Variants in METTL8 observed in about 807,000 individuals in gnomAD.
METTL8 encodes the protein tRNA N(3)-cytidine methyltransferase METTL8, mitochondrial.
A neutral mutation model predicts 48.7 loss-of-function variants in METTL8; 32 were observed. The ratio of observed to expected loss-of-function variants is 0.66; its 90% confidence interval spans 0.50 to 0.88. METTL8 has a LOEUF of 0.88. METTL8 is among the 40% of genes least tolerant of loss of function. The pLI, the probability that METTL8 is intolerant of heterozygous loss-of-function variation, is 0.00. For synonymous variants in METTL8, 136 were observed against 157.1 expected, an observed-to-expected ratio of 0.87 and a Z score of 1.01; for missense variants, 464 against 474.4, an observed-to-expected ratio of 0.98 and a Z score of 0.20.
At chr2:171,346,486 G>A (rs1191697396) in intron 3 of METTL8, among the ~76,000 whole-genome samples, 1 of 152,232 alleles carries the variant, frequency 6.6e-6, no homozygotes, top group Non-Finnish European at 1.5e-5. Flanking sequence ...AATGGGAAAT[G>A]GGAGTGACAG....
In METTL8 at chr2:171,331,851, A is replaced by G; in HGVS notation, c.673T>C (p.Phe225Leu). 6.2e-7 allele frequency: 1 copy of G among 1,600,690 alleles called. No individual in the cohort carries two copies. The highest frequency in any genetic ancestry group is 1.1e-5 in the South Asian group (1 of 88,336). Reference sequence around the variant, plus strand: ...GAAGCAAAATCACAACAATACAGAAAGGACTCCGGAGAGTTCCTATGAAGA... The same window carrying G: ...GAAGCAAAATCACAACAATACAGAAGGGACTCCGGAGAGTTCCTATGAAGA... ...LNTLENSPES[F>L]LYCCDFASGA... is the part of the protein sequence containing the mutation. The change falls in exon 6 of 10, where the codon TTT becomes CTT. Residue 225 changes from phenylalanine to leucine, a missense_variant. Phe to Leu is a conservative substitution (Grantham distance 22). Transcript: ENST00000375258.
rs144799036 is a variant in METTL8 at position 171,361,551 on chromosome 2, C to T, written c.144-1038G>A. Among the ~76,000 whole-genome samples, 133 of 152,246 alleles carry T rather than the reference C, an allele frequency of 8.7e-4. 2 individuals are homozygous for T. Among genetic ancestry groups the T allele is most frequent in the Admixed American group, 4.9e-3 (75 of 15,292 alleles). On this transcript the variant is annotated intron_variant, in intron 2 of 9. Transcript: ENST00000375258. Reference sequence around the variant, plus strand: ...AGTAACTGCCATCCTTTATTTATTACATATCAGGTATTGTAATAAGCACAT... The same window carrying T: ...AGTAACTGCCATCCTTTATTTATTATATATCAGGTATTGTAATAAGCACAT...
chr2:171,415,127 G>T (rs1304967905), intron 1 of METTL8, among the ~76,000 whole-genome samples: 1 of 151,844 alleles, frequency 6.6e-6, no homozygotes, highest in East Asian at 1.9e-4. Context: ...GGATGAAAAT[G>T]AACTAACATG....
intron 9 of METTL8, among the ~76,000 whole-genome samples, chr2:171,324,685 G>T (rs1684748798): frequency 6.6e-6 from 1 of 152,188 alleles, no homozygotes; most frequent in African/African-American, 2.4e-5. Flanking sequence ...ACCCAAAACG[G>T]CAGATTATAA....
chr2:171,414,711 G>A (rs1691119739), intron 1 of METTL8: 1 of 150,934 alleles, frequency 6.6e-6, no homozygotes, highest in South Asian at 2.1e-4. Context: ...CTAGGTGACA[G>A]AGTGAGGCTC....
intron 1 of METTL8, among the ~76,000 whole-genome samples, chr2:171,394,278 C>G (rs554630939): frequency 6.6e-6 from 1 of 151,802 alleles, no homozygotes; most frequent in Non-Finnish European, 1.5e-5. Context: ...AATTCATGCT[C>G]AAAAGTATAA....
intron 1 of METTL8, among the ~76,000 whole-genome samples, chr2:171,427,873 A>C (rs1321130341): frequency 6.6e-6 from 1 of 152,182 alleles, no homozygotes; most frequent in Non-Finnish European, 1.5e-5. Context: ...CCTGCACATT[A>C]TGGATGAAAA....
chr2:171,434,745 G>A (rs917251302), upstream of METTL8: 1 of 1,392,242 alleles, frequency 7.2e-7, no homozygotes, highest in South Asian at 1.6e-5. Flanking sequence ...GGCCGCGGGC[G>A]CGCGGCGGCC....
At chr2:171,349,053 G>A (rs926839314) in intron 3 of METTL8, among the ~76,000 whole-genome samples, 1 of 152,096 alleles carries the variant, frequency 6.6e-6, no homozygotes, top group African/African-American at 2.4e-5. Context: ...GTATAGTTCA[G>A]TACTGTTGAG....
At chr2:171,347,504 T>C (rs181383710) in intron 3 of METTL8, among the ~76,000 whole-genome samples, 2 of 152,336 alleles carry the variant, frequency 1.3e-5, no homozygotes, top group Admixed American at 1.3e-4. Flanking sequence ...CATCTATTTA[T>C]GTTCTAAATG....
chr2:171,384,383 G>A (rs1687850166), intron 2 of METTL8, among the ~76,000 whole-genome samples: 1 of 152,050 alleles, frequency 6.6e-6, no homozygotes, highest in Admixed American at 6.6e-5. Context: ...GGTGACACAC[G>A]CCTGTAGTAC....
At chr2:171,362,339 T>C (rs2105477213) in intron 2 of METTL8, among the ~76,000 whole-genome samples, 1 of 152,070 alleles carries the variant, frequency 6.6e-6, no homozygotes, top group South Asian at 2.1e-4. Context: ...TAACTAGATA[T>C]TGGAGTAGAA....
At chr2:171,433,715 T>A (rs1481387197) in intron 1 of METTL8, among the ~76,000 whole-genome samples, 168 bp downstream of exon 1, 2 of 152,174 alleles carry the variant, frequency 1.3e-5, no homozygotes, top group Non-Finnish European at 2.9e-5. Context: ...AACCAGTCAG[T>A]GTCCCCGCAG....
intron 1 of METTL8, among the ~76,000 whole-genome samples, chr2:171,410,165 C>T (rs1690601937): frequency 6.6e-6 from 1 of 152,134 alleles, no homozygotes; most frequent in Non-Finnish European, 1.5e-5. Context: ...GGTCTTATTC[C>T]TACGCTCATT....
At chr2:171,397,553 CAAAAA>C (rs34936693) in intron 1 of METTL8, among the ~76,000 whole-genome samples, 3 of 52,132 alleles carry the variant, frequency 5.8e-5, no homozygotes, top group Admixed American at 4.8e-4. Flanking sequence ...AACCCTGCCT[CAAAAA>C]AAAAAAAAAA....
intron 3 of METTL8, among the ~76,000 whole-genome samples, chr2:171,343,250 A>G (rs1686955976): frequency 6.6e-6 from 1 of 152,100 alleles, no homozygotes; most frequent in African/African-American, 2.4e-5. Flanking sequence ...GACCGGCCTG[A>G]CCAACATGGA....
intron 2 of METTL8, chr2:171,374,816 T>A: frequency 1.5e-6 from 1 of 668,760 alleles, no homozygotes; most frequent in East Asian, 2.7e-5. Context: ...ATCCATGTTG[T>A]ATATGTTTAA....
intron 1 of METTL8, among the ~76,000 whole-genome samples, chr2:171,418,821 A>AGCCAG (rs1691585631): frequency 6.6e-6 from 1 of 151,992 alleles, no homozygotes; most frequent in Non-Finnish European, 1.5e-5. Context: ...CAGGCATAGT[A>AGCCAG]GCATGTGCCT....
intron 1 of METTL8, among the ~76,000 whole-genome samples, chr2:171,407,660 C>A (rs1312395456): frequency 6.6e-6 from 1 of 152,218 alleles, no homozygotes; most frequent in Non-Finnish European, 1.5e-5. Context: ...AACAGTCCCC[C>A]ACTGGACACA....
Sources: allele counts gnomAD v4.1 joint callset (sites outside exome capture counted in the v4.1 genomes callset), GRCh38; gene constraint gnomAD v4.1.1; transcripts MANE v1.5; gene names NCBI Gene and HGNC (gene_info 2026-07-23, HGNC 2026-07-21).